The following ALDH5A1 variants were observed in gnomAD, a reference collection of about 807,000 sequenced individuals.
ALDH5A1 encodes the protein succinate-semialdehyde dehydrogenase, mitochondrial.
A neutral mutation model predicts 54.7 loss-of-function variants in ALDH5A1; 33 were observed. That is an observed-to-expected ratio of 0.60 (90% CI 0.46 to 0.81). The LOEUF (loss-of-function observed/expected upper bound fraction) is 0.81. ALDH5A1 is among the 30% of genes least tolerant of loss of function. The pLI is 0.00. For synonymous variants in ALDH5A1, 294 were observed against 292.7 expected (o/e 1.00, Z -0.05); for missense variants, 657 against 711.0 (o/e 0.92, Z 0.86).
At position 24,495,098 on chromosome 6, in the gene ALDH5A1, C is replaced by T. The variant is rs779034609; in HGVS notation, c.102C>T (p.Ala34=). The part of the protein sequence containing the change: ...LRPRAGGLVP[A]SGPAPGPAQL... Reference sequence around the variant, plus strand: ...CCCGCGCCGGCGGCCTGGTCCCTGCCTCCGGGCCTGCGCCCGGCCCGGCCC... The same window carrying T: ...CCCGCGCCGGCGGCCTGGTCCCTGCTTCCGGGCCTGCGCCCGGCCCGGCCC... The change falls in exon 1 of 10, where the codon GCC becomes GCT. Residue 34 remains alanine (A), a synonymous_variant. Transcript: ENST00000357578. The T allele has an allele frequency of 2.3e-6, 3 of 1,319,480 alleles. No individual in the cohort carries two copies. The highest frequency in any genetic ancestry group is 6.3e-5 in the East Asian group (2 of 31,922). 81.7% of individuals were successfully genotyped at this position (1,319,480 alleles called of 1,614,324 possible).
intron 6 of ALDH5A1, 77 bp from the exon 7 acceptor site, chr6:24,522,690 G>A (rs768038543): frequency 1.0e-3 from 1,587 of 1,546,686 alleles, no homozygotes; most frequent in Non-Finnish European, 1.4e-3. Flanking sequence ...ACAGAGAGGC[G>A]GTAGCAGCCA....
rs919182564 is a variant in ALDH5A1 at position 24,515,275 on chromosome 6, A to C, written c.835A>C (p.Lys279Gln). ...EAICTDPLVS[K>Q]ISFTGSTTTG... ...AATTTGTACTGATCCTCTGGTGTCC[A>C]AAATTTCCTTTACTGGTTCAACAAC... The change falls in exon 5 of 10, where the codon AAA becomes CAA. Residue 279 changes from lysine (K) to glutamine (Q), a missense_variant. Physicochemically the swap from Lys to Gln is moderately conservative, Grantham distance 53 (BLOSUM62 1). Transcript: ENST00000357578. 1 of 1,614,002 alleles carries C rather than the reference A, an allele frequency of 6.2e-7. No individual in the cohort carries two copies. The highest frequency in any genetic ancestry group is 1.3e-5 in the African/African-American group (1 of 74,916).
At chr6:24,523,860 TA>T (rs1423088894) in intron 7 of ALDH5A1, among the ~76,000 whole-genome samples, 3 of 152,130 alleles carry the variant, frequency 2.0e-5, no homozygotes, top group Non-Finnish European at 4.4e-5. Flanking sequence ...TTTGTTTGTT[TA>T]AAAAAATGTT....
In ALDH5A1 at chr6:24,532,144, G is replaced by A. The variant is rs1759949142; in HGVS notation, c.1369G>A (p.Ala457Thr). The A allele has an allele frequency of 6.2e-7, 1 of 1,614,056 alleles. No homozygotes were observed. Among genetic ancestry groups the A allele is most frequent in the African/African-American group, 1.3e-5 (1 of 74,918 alleles). Residue 457 changes from alanine to threonine, a missense_variant, in exon 9 of 10, where the codon GCA becomes ACA. This residue lies in a region of ALDH5A1 where 425 missense variants were observed against 516.4 expected (regional missense o/e 0.82). Transcript: ENST00000357578. ...GTTCGATACAGAGGAGGAGGCTATAGCAATCGCTAACGCAGCTGATGTTGG... is the reference window on the plus strand; with the variant it reads ...GTTCGATACAGAGGAGGAGGCTATAACAATCGCTAACGCAGCTGATGTTGG... The part of the protein sequence containing the change: ...IKFDTEEEAI[A>T]IANAADVGLA...
rs201038555 is a variant in ALDH5A1, at chr6:24,533,501, T to C, written c.1403-6T>C. 2 of 1,614,024 alleles carry C rather than the reference T, an allele frequency of 1.2e-6. No individual in the cohort carries two copies. The highest frequency in any genetic ancestry group is 1.7e-5 in the Admixed American group (1 of 60,022). Reference sequence around the variant, plus strand: ...ATGCCATATATGTCCTTTTATCCTGTGACAGGTTATTTTTACTCTCAAGAC... The same window carrying C: ...ATGCCATATATGTCCTTTTATCCTGCGACAGGTTATTTTTACTCTCAAGAC... On this transcript the variant is annotated splice_region_variant and splice_polypyrimidine_tract_variant and intron_variant, in intron 9 of 9. Transcript: ENST00000357578.
chr6:24,525,058 G>T (rs1034957738), intron 7 of ALDH5A1, among the ~76,000 whole-genome samples: 3 of 152,110 alleles, frequency 2.0e-5, no homozygotes, highest in Non-Finnish European at 4.4e-5. Flanking sequence ...TTTTTTGCTG[G>T]AGAGAAATTT....
At chr6:24,528,524 G>C (rs766378435) in intron 8 of ALDH5A1, among the ~76,000 whole-genome samples, 1 of 151,780 alleles carries the variant, frequency 6.6e-6, no homozygotes, top group Non-Finnish European at 1.5e-5. Flanking sequence ...CACCATACCA[G>C]GCTAATTTTT....
chr6:24,504,248 T>C (rs899467608), intron 3 of ALDH5A1, among the ~76,000 whole-genome samples: 2 of 152,228 alleles, frequency 1.3e-5, no homozygotes, highest in African/African-American at 4.8e-5. Flanking sequence ...AATTTTAATT[T>C]TGAAGTACTT....
At position 24,534,083 on chromosome 6, in the gene ALDH5A1, G is replaced by A. The variant is rs529212642; in HGVS notation, c.*371G>A. On this transcript the variant is annotated 3_prime_UTR_variant, in exon 10 of 10. Transcript: ENST00000357578. ...CAGTGGCACAACCATCCCCCATGTC[G>A]CTACAGAACATGGGCCCAGAGCACC... 1.9e-4 allele frequency: 53 copies of A among 273,784 alleles called. No individual in the cohort carries two copies. The highest frequency in any genetic ancestry group is 3.4e-4 in the Non-Finnish European group (48 of 140,886). The allele number at this position is 273,784 out of a possible 1,614,324, so 17.0% of individuals were successfully genotyped here. A position where few individuals can be genotyped will look rare whatever the true frequency, so the allele number is the denominator to read the frequency against.
intron 7 of ALDH5A1, among the ~76,000 whole-genome samples, chr6:24,526,408 A>C (rs903869586): frequency 1.3e-5 from 2 of 152,292 alleles, no homozygotes; most frequent in African/African-American, 2.4e-5. Context: ...AAGATAGTAC[A>C]TCTGTAAACT....
At chr6:24,520,646 G>A in intron 6 of ALDH5A1, 102 bp downstream of exon 6, 1 of 1,495,270 alleles carries the variant, frequency 6.7e-7, no homozygotes, top group Admixed American at 1.9e-5. Context: ...GTGTGTGTGT[G>A]TGCGTGTGTG....
chr6:24,502,763 G>A (rs900472920), intron 2 of ALDH5A1, among the ~76,000 whole-genome samples, 157 bp downstream of exon 2: 1 of 151,946 alleles, frequency 6.6e-6, no homozygotes, highest in Non-Finnish European at 1.5e-5. Context: ...ATTGTGCCAG[G>A]GTACTTAGAT....
At position 24,533,742 on chromosome 6, in the gene ALDH5A1, A is replaced by G. The variant is rs1476627929; in HGVS notation, c.*30A>G. ...CTTTGGTTCTTTAAAAAAATTTAAA[A>G]GGAGACTTATCTACATATATAGGTA... On this transcript the variant is annotated 3_prime_UTR_variant, in exon 10 of 10. Transcript: ENST00000357578. 1.3e-6 allele frequency: 2 copies of G among 1,594,766 alleles called. No homozygotes were observed. The highest frequency in any genetic ancestry group is 1.7e-5 in the Admixed American group (1 of 59,894).
intron 1 of ALDH5A1, among the ~76,000 whole-genome samples, chr6:24,495,878 G>A (rs554916187): frequency 2.4e-4 from 36 of 152,320 alleles, no homozygotes; most frequent in African/African-American, 8.7e-4. Context: ...CAGGGGAAGA[G>A]AGAAATCCAG....
chr6:24,507,240 C>T (rs1759375261), intron 4 of ALDH5A1, among the ~76,000 whole-genome samples: 1 of 152,104 alleles, frequency 6.6e-6, no homozygotes, highest in Non-Finnish European at 1.5e-5. Context: ...GAATATTTTC[C>T]CTTCTTAAAT....
intron 4 of ALDH5A1, 64 bp downstream of exon 4, chr6:24,505,049 AC>A (rs1230549446): frequency 1.3e-6 from 2 of 1,564,850 alleles, no homozygotes; most frequent in African/African-American, 2.7e-5. Context: ...TTTATCTGGG[AC>A]AGAAAGAAGC....
At chr6:24,499,101 CAAAAA>C (rs35062384) in intron 1 of ALDH5A1, among the ~76,000 whole-genome samples, 235 of 91,264 alleles carry the variant, frequency 2.6e-3, no homozygotes, top group African/African-American at 8.7e-3. Context: ...GACTCTGTCT[CAAAAA>C]AAAAAAAAAA....
At chr6:24,524,732 G>C (rs1759769354) in intron 7 of ALDH5A1, among the ~76,000 whole-genome samples, 1 of 152,200 alleles carries the variant, frequency 6.6e-6, no homozygotes, top group African/African-American at 2.4e-5. Context: ...CAAGGCAGGG[G>C]TATTCACTTG....
In ALDH5A1 at chr6:24,520,491, G is replaced by A. The variant is rs115784602; in HGVS notation, c.961G>A (p.Val321Met). 7,533 of 1,614,160 alleles carry A rather than the reference G, an allele frequency of 4.7e-3. 23 individuals carry two copies. Among genetic ancestry groups the A allele is most frequent in the Non-Finnish European group, 5.6e-3 (6,639 of 1,180,028 alleles). Residue 321 changes from valine (V) to methionine (M), a missense_variant, in exon 6 of 10, where the codon GTG (valine) becomes ATG (methionine). Physicochemically the swap from Val to Met is conservative, Grantham distance 21 (BLOSUM62 1). Coordinates refer to ENST00000357578, the MANE Select transcript of ALDH5A1 (RefSeq NM_001080.3). ...ATTTATAGTATTTGACAGTGCCAAC[G>A]TGGACCAGGCTGTAGCAGGGGCCAT... ...APFIVFDSAN[V>M]DQAVAGAMAS...
Sources: gnomAD v4.1 joint callset for allele counts (sites outside exome capture counted in the v4.1 genomes callset) on GRCh38, gnomAD v4.1.1 for gene constraint, gnomAD v4.1.1 regional missense constraint, MANE v1.5 for transcripts, NCBI Gene and HGNC (gene_info 2026-07-23, HGNC 2026-07-21) for gene names.